The following EML6 variants were observed in gnomAD, a reference collection of about 807,000 sequenced individuals.
EML6 encodes the protein EMAP like 6.
Under a neutral mutation model 240.1 loss-of-function variants are expected in EML6, and 154 were observed. The ratio of observed to expected loss-of-function variants is 0.64; its 90% confidence interval spans 0.56 to 0.73. EML6 has a LOEUF of 0.73. Among genes scored for constraint, EML6 ranks in the 30% least tolerant of loss-of-function variants. The pLI is 0.00. For missense variants in EML6, 2,964 were observed against 2,474.6 expected, an observed-to-expected ratio of 1.20 and a Z score of -4.20; for synonymous variants, 1,148 against 899.0, an observed-to-expected ratio of 1.28 and a Z score of -4.95.
intron 2 of EML6, among the ~76,000 whole-genome samples, chr2:54,790,882 C>G (rs975262540): frequency 6.6e-6 from 1 of 151,920 alleles, no homozygotes; most frequent in African/African-American, 2.4e-5. Flanking sequence ...CCTGCCACCG[C>G]GCCCAGCTAA....
At chr2:54,851,886 G>A (rs899382373) in intron 10 of EML6, among the ~76,000 whole-genome samples, 2 of 152,154 alleles carry the variant, frequency 1.3e-5, no homozygotes, top group Non-Finnish European at 2.9e-5. Flanking sequence ...AGCTTGTTGG[G>A]CAATAATACT....
chr2:54,850,379 C>T (rs1670009254), intron 10 of EML6, 161 bp downstream of exon 10: 7 of 611,790 alleles, frequency 1.1e-5, no homozygotes, highest in South Asian at 6.5e-5. Context: ...TGTTTTCTGT[C>T]GCAAGATCCT....
chr2:54,942,698 G>A (rs866218184), intron 28 of EML6, among the ~76,000 whole-genome samples: 9 of 152,080 alleles, frequency 5.9e-5, no homozygotes, highest in African/African-American at 2.2e-4. Context: ...GAGCAATTCA[G>A]CTCATGGTCA....
intron 2 of EML6, among the ~76,000 whole-genome samples, chr2:54,727,779 C>T (rs1417898921): frequency 6.6e-6 from 1 of 152,204 alleles, no homozygotes; most frequent in Non-Finnish European, 1.5e-5. Context: ...AAGATATATT[C>T]ATATGCATAC....
chr2:54,932,624 G>A (rs550476096), intron 28 of EML6, among the ~76,000 whole-genome samples: 1 of 152,140 alleles, frequency 6.6e-6, no homozygotes, highest in Non-Finnish European at 1.5e-5. Context: ...TTAAATATCA[G>A]AAAAGTTCCT....
intron 36 of EML6, among the ~76,000 whole-genome samples, chr2:54,963,565 T>C (rs1022430112): frequency 5.3e-5 from 8 of 152,204 alleles, no homozygotes; most frequent in African/African-American, 1.9e-4. Flanking sequence ...GCTCACACTC[T>C]TTCCCCTAAA....
At chr2:54,845,324 C>G (rs373610229) in intron 8 of EML6, among the ~76,000 whole-genome samples, 2 of 152,174 alleles carry the variant, frequency 1.3e-5, no homozygotes, top group African/African-American at 4.8e-5. Context: ...TTCTGTTACT[C>G]TTGAATTTTC....
chr2:54,953,794 C>T (rs368999925), intron 31 of EML6, among the ~76,000 whole-genome samples, 189 bp from the exon 32 acceptor site: 7 of 150,176 alleles, frequency 4.7e-5, no homozygotes, highest in African/African-American at 1.5e-4. Context: ...GGCTGAGGCA[C>T]GAGGATCGTG....
At chr2:54,772,457 G>A (rs757358638) in intron 2 of EML6, among the ~76,000 whole-genome samples, 2 of 152,144 alleles carry the variant, frequency 1.3e-5, no homozygotes, top group Non-Finnish European at 2.9e-5. Context: ...TTCATGTCAA[G>A]TTAAATACTA....
chr2:54,891,355 C>T (rs1342611168), intron 18 of EML6, among the ~76,000 whole-genome samples: 1 of 152,200 alleles, frequency 6.6e-6, no homozygotes, highest in East Asian at 1.9e-4. Flanking sequence ...TTCATCAATA[C>T]CTAGAAAGCT....
chr2:54,863,066 G>C (rs542984265), intron 12 of EML6, among the ~76,000 whole-genome samples: 8 of 152,286 alleles, frequency 5.3e-5, no homozygotes, highest in African/African-American at 1.9e-4. Context: ...ATTTATCTCT[G>C]ATGTCAGCAG....
intron 2 of EML6, among the ~76,000 whole-genome samples, chr2:54,808,707 T>A (rs1210425956): frequency 6.6e-6 from 1 of 152,178 alleles, no homozygotes; most frequent in Non-Finnish European, 1.5e-5. Flanking sequence ...TATTGATGAG[T>A]GTTTTGTTGT....
intron 10 of EML6, 44 bp from the exon 11 acceptor site, chr2:54,853,599 T>A: frequency 8.3e-7 from 1 of 1,202,420 alleles, no homozygotes; most frequent in East Asian, 2.7e-5. Flanking sequence ...TAAATTAGAA[T>A]AAACTTTTTA....
intron 39 of EML6, among the ~76,000 whole-genome samples, chr2:54,967,846 G>C (rs910533728): frequency 6.6e-6 from 1 of 152,178 alleles, no homozygotes; most frequent in South Asian, 2.1e-4. Flanking sequence ...TCCCTCGCAT[G>C]CTTAGTTCAC....
At chr2:54,930,552 ATAT>A (rs1490742688) in intron 28 of EML6, among the ~76,000 whole-genome samples, 3 of 152,146 alleles carry the variant, frequency 2.0e-5, no homozygotes, top group Admixed American at 1.3e-4. Flanking sequence ...AAGCCTTATA[ATAT>A]TATGAAATAG....
intron 26 of EML6, among the ~76,000 whole-genome samples, chr2:54,921,739 A>G (rs1228986443): frequency 6.6e-6 from 1 of 152,136 alleles, no homozygotes; most frequent in Non-Finnish European, 1.5e-5. Flanking sequence ...CACATAGACC[A>G]ATGAAACAGA....
At chr2:54,903,816 C>A (rs1489504528) in intron 24 of EML6, among the ~76,000 whole-genome samples, 2 of 152,186 alleles carry the variant, frequency 1.3e-5, no homozygotes, top group Admixed American at 6.5e-5. Context: ...GGAGTGCTTT[C>A]TCCTTGTCTT....
At chr2:54,909,586 A>G (rs1673530357) in intron 24 of EML6, among the ~76,000 whole-genome samples, 2 of 152,228 alleles carry the variant, frequency 1.3e-5, no homozygotes, top group Non-Finnish European at 2.9e-5. Context: ...GGCTCATGCC[A>G]TATAATCCCA....
chr2:54,790,396 C>T (rs1254546385), intron 2 of EML6, among the ~76,000 whole-genome samples: 1 of 152,136 alleles, frequency 6.6e-6, no homozygotes, highest in Non-Finnish European at 1.5e-5. Context: ...CGGGGAAGCA[C>T]CCTAACTCTG....
Sources: gnomAD v4.1 joint callset for allele counts (sites outside exome capture counted in the v4.1 genomes callset) on GRCh38, gnomAD v4.1.1 for gene constraint, MANE v1.5 for transcripts, NCBI Gene and HGNC (gene_info 2026-07-23, HGNC 2026-07-21) for gene names.